MAGI1: variants seen among roughly 807,000 people sequenced by gnomAD.
MAGI1 encodes membrane associated guanylate kinase, WW and PDZ domain containing 1.
In MAGI1, 58 loss-of-function variants were observed where a neutral mutation model predicts 139.9. The ratio of observed to expected loss-of-function variants is 0.41; its 90% CI spans 0.34 to 0.52. MAGI1 has a LOEUF of 0.52. Among genes scored for constraint, MAGI1 ranks in the 20% least tolerant of loss-of-function variants. The pLI is 0.12. For synonymous variants in MAGI1, 812 were observed against 737.9 expected (o/e 1.10, Z -1.63); for missense variants, 1,874 against 1,901.6 (o/e 0.99, Z 0.27).
intron 2 of MAGI1, among the ~76,000 whole-genome samples, chr3:65,583,888 A>T (rs1029773796): frequency 6.6e-6 from 1 of 152,152 alleles, no homozygotes; most frequent in Non-Finnish European, 1.5e-5. Context: ...TGAAGATGAG[A>T]CTGTGACCTC....
At chr3:65,908,885 A>G (rs2061545981) in intron 1 of MAGI1, among the ~76,000 whole-genome samples, 4 of 152,208 alleles carry the variant, frequency 2.6e-5, no homozygotes, top group Admixed American at 2.6e-4. Flanking sequence ...AGTGGGGCAG[A>G]CACTCAGAAG....
chr3:65,810,323 T>C (rs570820353), intron 1 of MAGI1, among the ~76,000 whole-genome samples: 2 of 152,348 alleles, frequency 1.3e-5, no homozygotes, highest in South Asian at 4.1e-4. Flanking sequence ...CCTCTCTCTT[T>C]TATCCAGTCT....
At chr3:66,020,552 T>C (rs1197516070) in intron 1 of MAGI1, among the ~76,000 whole-genome samples, 1 of 152,156 alleles carries the variant, frequency 6.6e-6, no homozygotes, top group Non-Finnish European at 1.5e-5. Context: ...ATACAGACTA[T>C]CGGCAGCTCT....
chr3:65,953,448 G>C (rs952332984), intron 1 of MAGI1, among the ~76,000 whole-genome samples: 3 of 152,166 alleles, frequency 2.0e-5, no homozygotes. Context: ...CCCAGCCTGA[G>C]AGCGATTACA....
chr3:65,360,704 T>C, intron 22 of MAGI1: 1 of 993,404 alleles, frequency 1.0e-6, no homozygotes, highest in Non-Finnish European at 1.2e-6. Flanking sequence ...AGAAGTGTTG[T>C]ATACAGAGCA....
At chr3:65,423,124 A>G (rs1946751637) in intron 12 of MAGI1, among the ~76,000 whole-genome samples, 2 of 152,202 alleles carry the variant, frequency 1.3e-5, no homozygotes, top group South Asian at 4.1e-4. Flanking sequence ...GGGAACATAT[A>G]GGACCCCAAC....
intron 3 of MAGI1, among the ~76,000 whole-genome samples, chr3:65,489,574 T>C (rs1256692913): frequency 6.6e-6 from 1 of 152,118 alleles, no homozygotes; most frequent in Non-Finnish European, 1.5e-5. Context: ...TATATTTATA[T>C]ACAGATAGAC....
chr3:65,950,641 AATTATC>A (rs2106943456), intron 1 of MAGI1, among the ~76,000 whole-genome samples: 1 of 152,344 alleles, frequency 6.6e-6, no homozygotes, highest in African/African-American at 2.4e-5. Flanking sequence ...AAGGAAAAAA[AATTATC>A]ATCTTTCCAA....
In MAGI1 at chr3:65,470,310, G is replaced by A. The variant is rs771135103; in HGVS notation, c.932C>T (p.Thr311Ile). 5.6e-6 allele frequency: 9 copies of A among 1,611,864 alleles called. No individual in the cohort carries two copies. In the Admixed American group the frequency reaches 1.2e-4, roughly 21 times the overall value. ...TATAAAATAGACTTCTCCATTTTCA[G>A]TATAGGCCATCTCCCAGTTTTCAGG... is the stretch of plus-strand genomic sequence containing the variant. ...PLPENWEMAYTENGEVYFIDH... is the reference protein window; with the variant it reads ...PLPENWEMAYIENGEVYFIDH... Residue 311 changes from threonine (T) to isoleucine (I), a missense_variant, in exon 5 of 23, where the codon ACT becomes ATT. Physicochemically the swap from Thr to Ile is moderately conservative, Grantham distance 89. Coordinates refer to ENST00000402939, the MANE Select transcript of MAGI1 (RefSeq NM_001033057.2).
chr3:66,023,863 T>G (rs2068089919), intron 1 of MAGI1, among the ~76,000 whole-genome samples: 1 of 152,142 alleles, frequency 6.6e-6, no homozygotes, highest in African/African-American at 2.4e-5. Flanking sequence ...AGATGTGACT[T>G]TGCACCCAGT....
At chr3:65,578,544 T>C (rs576797266) in intron 2 of MAGI1, among the ~76,000 whole-genome samples, 15 of 152,312 alleles carry the variant, frequency 9.8e-5, no homozygotes, top group African/African-American at 3.6e-4. Context: ...GGATGCCAAC[T>C]TCAGTAAACA....
At chr3:65,637,584 GAAAGA>G (rs2107208395) in intron 1 of MAGI1, among the ~76,000 whole-genome samples, 2 of 149,808 alleles carry the variant, frequency 1.3e-5, no homozygotes, top group South Asian at 4.3e-4. Context: ...AAGAAAGAAA[GAAAGA>G]AAGAAAGAAA....
At chr3:65,740,095 C>A (rs1475336351) in intron 1 of MAGI1, among the ~76,000 whole-genome samples, 2 of 152,196 alleles carry the variant, frequency 1.3e-5, no homozygotes, top group African/African-American at 4.8e-5. Flanking sequence ...TCTGAAGCCT[C>A]TGATAGGAAT....
chr3:65,914,878 C>T (rs1001735038), intron 1 of MAGI1, among the ~76,000 whole-genome samples: 1 of 152,160 alleles, frequency 6.6e-6, no homozygotes, highest in African/African-American at 2.4e-5. Context: ...CTTTTCTGAG[C>T]ATCAACTTCC....
chr3:65,466,126 A>G (rs1032582459), intron 5 of MAGI1, among the ~76,000 whole-genome samples: 2 of 152,100 alleles, frequency 1.3e-5, no homozygotes, highest in Non-Finnish European at 2.9e-5. Flanking sequence ...TGGCTGAAAC[A>G]TTCTAATTTT....
intron 1 of MAGI1, among the ~76,000 whole-genome samples, chr3:65,864,884 G>A (rs2059669148): frequency 6.6e-6 from 1 of 152,162 alleles, no homozygotes; most frequent in African/African-American, 2.4e-5. Context: ...AAGGCTGGCA[G>A]GGATAAAGAA....
At chr3:65,731,036 T>C (rs1481928530) in intron 1 of MAGI1, among the ~76,000 whole-genome samples, 7 of 152,174 alleles carry the variant, frequency 4.6e-5, no homozygotes, top group Admixed American at 2.0e-4. Context: ...ATTTAGTTAC[T>C]GGATAACTCA....
chr3:65,852,917 T>C lies in MAGI1; in HGVS notation c.313+185079A>G, dbSNP rs1337692192. 5.4e-5 allele frequency among the ~76,000 whole-genome samples: 8 copies of C among 147,236 alleles called. No individual in the cohort carries two copies. The Admixed American group carries it at 5.7e-4, about 10-fold the overall frequency. ...TTCGGAAGCCGAGGTGGGCAGATCATGAGGTCAGGAGATCGAGACCATCCT... is the reference window on the plus strand; with the variant it reads ...TTCGGAAGCCGAGGTGGGCAGATCACGAGGTCAGGAGATCGAGACCATCCT... On this transcript the variant is annotated intron_variant, in intron 1 of 22. Coordinates refer to ENST00000402939, the MANE Select transcript of MAGI1 (RefSeq NM_001033057.2).
chr3:65,833,132 TTG>T (rs930892643), intron 1 of MAGI1, among the ~76,000 whole-genome samples: 9 of 92,830 alleles, frequency 9.7e-5, no homozygotes, highest in Admixed American at 2.4e-4. Flanking sequence ...CTTTTTTTTT[TTG>T]GGAGACAGAA....
Sources: gnomAD v4.1 joint callset for allele counts (sites outside exome capture counted in the v4.1 genomes callset) on GRCh38, gnomAD v4.1.1 for gene constraint, MANE v1.5 for transcripts, NCBI Gene and HGNC (gene_info 2026-07-23, HGNC 2026-07-21) for gene names.